The following STOX2 variants were observed in gnomAD, a reference collection of about 807,000 sequenced individuals.
The protein encoded by STOX2 is storkhead box 2.
A neutral mutation model predicts 60.9 loss-of-function variants in STOX2; 28 were observed. The ratio of observed to expected loss-of-function variants is 0.46; its 90% CI spans 0.34 to 0.63. The LOEUF is 0.63. STOX2 is among the 30% of genes least tolerant of loss of function. The pLI is 0.01. For synonymous variants in STOX2, 472 were observed against 463.9 expected (o/e 1.02, Z -0.22); for missense variants, 1,024 against 1,187.7 (o/e 0.86, Z 2.03).
intron 1 of STOX2, among the ~76,000 whole-genome samples, chr4:183,958,436 C>A (rs1327428655): frequency 1.3e-5 from 2 of 152,132 alleles, no homozygotes; most frequent in Non-Finnish European, 2.9e-5. Context: ...CCATACCACC[C>A]TCTGTGGTTG....
chr4:183,894,213 ACT>A (rs1370815943), intron 1 of STOX2, among the ~76,000 whole-genome samples: 2 of 152,162 alleles, frequency 1.3e-5, no homozygotes, highest in East Asian at 3.9e-4. Context: ...TGACATGGTA[ACT>A]CTAATGGAAG....
chr4:183,915,536 C>T (rs1421325513), intron 1 of STOX2, among the ~76,000 whole-genome samples: 2 of 152,036 alleles, frequency 1.3e-5, no homozygotes, highest in Non-Finnish European at 2.9e-5. Flanking sequence ...CAAGTCCTAA[C>T]CCCCGGTACC....
chr4:183,861,902 C>T (rs1740456610), intron 1 of STOX2, among the ~76,000 whole-genome samples: 1 of 152,138 alleles, frequency 6.6e-6, no homozygotes, highest in Non-Finnish European at 1.5e-5. Context: ...CCCACGTAAC[C>T]ACCATCCAGG....
intron 1 of STOX2, among the ~76,000 whole-genome samples, chr4:183,962,582 A>G (rs1164045029): frequency 6.6e-6 from 1 of 152,238 alleles, no homozygotes; most frequent in African/African-American, 2.4e-5. Flanking sequence ...AGCGTGAATC[A>G]TTATATCCTG....
At position 184,001,265 on chromosome 4, in the gene STOX2, T is replaced by C. The variant is rs1230966669; in HGVS notation, c.167-60T>C. 5.1e-6 allele frequency: 8 copies of C among 1,564,714 alleles called. No homozygotes were observed. Among genetic ancestry groups the C allele is most frequent in the Non-Finnish European group, 7.0e-6 (8 of 1,139,652 alleles). On this transcript the variant is annotated intron_variant, in intron 1 of 3. Coordinates refer to ENST00000308497, the MANE Select transcript of STOX2 (RefSeq NM_020225.3). The surrounding 1 kb of genome is among the most constrained non-coding windows in gnomAD (Gnocchi z 4.2). ...GGCCAGATGGACGCGTGAAGGCGTG[T>C]GTCTGACAGATGACCGGGTCTTTTA... is the stretch of plus-strand genomic sequence containing the variant.
chr4:183,818,636 C>G (rs1020206872), intron 1 of STOX2, among the ~76,000 whole-genome samples: 1 of 152,140 alleles, frequency 6.6e-6, no homozygotes, highest in Non-Finnish European at 1.5e-5. Context: ...GGGTGGCGGC[C>G]GGGCAGAGGG....
chr4:183,844,577 T>A (rs968430401), intron 1 of STOX2, among the ~76,000 whole-genome samples: 12 of 152,154 alleles, frequency 7.9e-5, no homozygotes, highest in African/African-American at 2.9e-4. Context: ...CTCAGGGATA[T>A]CAAAAAAGTC....
intron 1 of STOX2, among the ~76,000 whole-genome samples, chr4:183,828,031 A>AT (rs202072161): frequency 6.6e-6 from 1 of 152,168 alleles, no homozygotes; most frequent in Non-Finnish European, 1.5e-5. Context: ...TTGCATAAAC[A>AT]TTTTTTTACA....
intron 1 of STOX2, among the ~76,000 whole-genome samples, chr4:183,909,134 G>A (rs1324036009): frequency 6.6e-6 from 1 of 152,204 alleles, no homozygotes; most frequent in African/African-American, 2.4e-5. Context: ...TCTTTCTCAT[G>A]TGCAACTCTT....
intron 1 of STOX2, among the ~76,000 whole-genome samples, chr4:183,912,199 A>G (rs188479587): frequency 5.9e-5 from 9 of 152,046 alleles, no homozygotes; most frequent in African/African-American, 1.9e-4. Flanking sequence ...GGTTCCATCT[A>G]TCCTCCTTAT....
intron 1 of STOX2, among the ~76,000 whole-genome samples, chr4:183,852,595 A>G (rs1254571988): frequency 6.6e-6 from 1 of 151,492 alleles, no homozygotes; most frequent in Non-Finnish European, 1.5e-5. Context: ...CTGCCTTATC[A>G]TACTCTCATC....
At chr4:183,864,096 G>A (rs1740511252) in intron 1 of STOX2, among the ~76,000 whole-genome samples, 1 of 151,930 alleles carries the variant, frequency 6.6e-6, no homozygotes, top group Non-Finnish European at 1.5e-5. Context: ...CTAGAGTTCT[G>A]CATTTCCCAA....
chr4:183,832,328 G>GA (rs1739588934), intron 1 of STOX2, among the ~76,000 whole-genome samples: 1 of 151,684 alleles, frequency 6.6e-6, no homozygotes, highest in Non-Finnish European at 1.5e-5. Flanking sequence ...TGAAAGCAGG[G>GA]ACTCTAAATA....
chr4:183,898,366 A>T (rs1741387595), intron 1 of STOX2, among the ~76,000 whole-genome samples: 1 of 152,146 alleles, frequency 6.6e-6, no homozygotes, highest in Admixed American at 6.5e-5. Flanking sequence ...CATGACTGGA[A>T]ATGTACGCTA....
At chr4:183,815,149 T>G (rs1420838569) in intron 1 of STOX2, among the ~76,000 whole-genome samples, 1 of 152,160 alleles carries the variant, frequency 6.6e-6, no homozygotes, top group South Asian at 2.1e-4. Flanking sequence ...TCCACCACCA[T>G]GCCCAGCTAA....
At chr4:183,877,197 G>C (rs1264758649) in intron 1 of STOX2, among the ~76,000 whole-genome samples, 1 of 152,196 alleles carries the variant, frequency 6.6e-6, no homozygotes, top group East Asian at 1.9e-4. Flanking sequence ...TCTAAGTTCT[G>C]TGAGTCTCTG....
intron 1 of STOX2, among the ~76,000 whole-genome samples, chr4:183,887,015 T>C (rs920114348): frequency 4.6e-5 from 7 of 152,114 alleles, no homozygotes; most frequent in African/African-American, 1.4e-4. Context: ...TCCCAGAACT[T>C]TGGGAGGCTG....
intron 1 of STOX2, among the ~76,000 whole-genome samples, chr4:183,989,136 G>A (rs988380105): frequency 1.3e-5 from 2 of 151,422 alleles, no homozygotes; most frequent in African/African-American, 4.9e-5. Context: ...TCTGAGGGAG[G>A]CATTCAGTAA....
At chr4:183,922,844 A>G (rs979874270) in intron 1 of STOX2, among the ~76,000 whole-genome samples, 1 of 152,170 alleles carries the variant, frequency 6.6e-6, no homozygotes, top group African/African-American at 2.4e-5. Flanking sequence ...TGTCTCTGTG[A>G]AATTGATTAC....
Sources: allele counts gnomAD v4.1 joint callset (sites outside exome capture counted in the v4.1 genomes callset), GRCh38; gene constraint gnomAD v4.1.1; non-coding constraint Gnocchi (gnomAD v3.1); transcripts MANE v1.5; gene names NCBI Gene and HGNC (gene_info 2026-07-23, HGNC 2026-07-21).